GPAM: variants seen among roughly 807,000 people sequenced by gnomAD.
GPAM encodes the protein glycerol-3-phosphate acyltransferase 1, mitochondrial.
GPAM carries 56 observed loss-of-function variants against 105.0 expected under a neutral mutation model. The ratio of observed to expected loss-of-function variants is 0.53; its 90% CI spans 0.43 to 0.67. GPAM has a LOEUF of 0.67. Among genes scored for constraint, GPAM ranks in the 30% least tolerant of loss-of-function variants. The probability of loss-of-function intolerance (pLI) is 0.00; values close to 1 mark genes in which losing one functional copy is unlikely to be tolerated. For missense variants in GPAM, 855 were observed against 989.8 expected, an observed-to-expected ratio of 0.86 and a Z score of 1.83; for synonymous variants, 368 against 354.4, an observed-to-expected ratio of 1.04 and a Z score of -0.43.
chr10:112,160,372 C>CA, intron 16 of GPAM: 2 of 973,598 alleles, frequency 2.1e-6, no homozygotes, highest in Non-Finnish European at 2.4e-6. Context: ...GATAGCAAGA[C>CA]ACTCTACCTC....
intron 5 of GPAM, among the ~76,000 whole-genome samples, chr10:112,177,106 A>AAGAG (rs764899424): frequency 1.1e-4 from 16 of 151,480 alleles, no homozygotes; most frequent in Non-Finnish European, 2.4e-4. Flanking sequence ...GCAAATTTAA[A>AAGAG]AGAGAGAGAG....
At chr10:112,189,171 A>G (rs936855020) in intron 1 of GPAM, among the ~76,000 whole-genome samples, 27 of 152,228 alleles carry the variant, frequency 1.8e-4, no homozygotes, top group East Asian at 9.6e-4. Flanking sequence ...TGTTCTATCA[A>G]GAACTTTTAA....
chr10:112,172,832 G>T (rs143942030), intron 8 of GPAM, 138 bp downstream of exon 8: 30 of 695,318 alleles, frequency 4.3e-5, no homozygotes, highest in Middle Eastern at 4.8e-4. Flanking sequence ...CACAGCTATT[G>T]AAGTTATCAT....
intron 19 of GPAM, 179 bp from the exon 20 acceptor site, chr10:112,156,232 G>A: frequency 3.1e-6 from 2 of 636,238 alleles, no homozygotes; most frequent in South Asian, 3.5e-5. Flanking sequence ...ACAACTGCTG[G>A]CTTTCAAACA....
At chr10:112,159,211 A>ATTTT (rs1847076016) in intron 17 of GPAM, among the ~76,000 whole-genome samples, 2 of 93,764 alleles carry the variant, frequency 2.1e-5, no homozygotes, top group African/African-American at 8.1e-5. Flanking sequence ...TGAGCAGATG[A>ATTTT]TTTTCTTTTT....
chr10:112,173,908 T>C, intron 6 of GPAM, 63 bp from the exon 7 acceptor site: 1 of 1,300,200 alleles, frequency 7.7e-7, no homozygotes, highest in Non-Finnish European at 1.1e-6. Flanking sequence ...GTATTCAGTA[T>C]TTTCTAAACT....
chr10:112,190,148 T>G (rs1847639093), intron 1 of GPAM, among the ~76,000 whole-genome samples: 1 of 152,170 alleles, frequency 6.6e-6, no homozygotes, highest in African/African-American at 2.4e-5. Context: ...TGGATCTCAT[T>G]GCCAGAATGA....
chr10:112,169,825 C>G (rs1307729890), intron 9 of GPAM, among the ~76,000 whole-genome samples: 1 of 152,154 alleles, frequency 6.6e-6, no homozygotes, highest in African/African-American at 2.4e-5. Context: ...ACTTGCATTA[C>G]CCTCTGAGCT....
chr10:112,172,987 C>T lies in GPAM; in HGVS notation c.640G>A (p.Val214Ile). The T allele has an allele frequency of 6.3e-7, 1 of 1,590,252 alleles. No individual in the cohort carries two copies. Among genetic ancestry groups the T allele is most frequent in the East Asian group, 2.2e-5 (1 of 44,760 alleles). ...IQIHKGQLEM[V>I]KAATETNLPL... ...ATTCTTGCCTCAGTTGCAGCTTTAA[C>T]CATCTCAAGTTGACCTTTGTGAATT... is the stretch of plus-strand genomic sequence containing the variant. The change falls in exon 8 of 22, where the codon GTT becomes ATT. Residue 214 changes from valine (V) to isoleucine (I), a missense_variant. Physicochemically the swap from Val to Ile is conservative, Grantham distance 29. Coordinates refer to ENST00000348367, the MANE Select transcript of GPAM (RefSeq NM_001244949.2).
the GPAM span, among the ~76,000 whole-genome samples, chr10:112,222,042 T>C: frequency 3.9e-5 from 6 of 152,216 alleles, no homozygotes; most frequent in Non-Finnish European, 5.9e-5. Context: ...TGGGGATTTG[T>C]TCCAAACTAA....
At chr10:112,186,819 G>A (rs558630746), upstream of GPAM, among the ~76,000 whole-genome samples, 35 of 152,262 alleles carry the variant, frequency 2.3e-4, no homozygotes, top group Non-Finnish European at 4.9e-4. Context: ...CCAAAGTGCT[G>A]GGATTATAAG....
intron 1 of GPAM, among the ~76,000 whole-genome samples, chr10:112,197,080 A>C (rs911977547): frequency 2.6e-5 from 4 of 152,252 alleles, no homozygotes; most frequent in East Asian, 3.8e-4. Context: ...TAGCTTATTT[A>C]TAAGTGATGT....
At chr10:112,188,462 G>C (rs991543607), upstream of GPAM, among the ~76,000 whole-genome samples, 2 of 152,142 alleles carry the variant, frequency 1.3e-5, no homozygotes, top group Non-Finnish European at 2.9e-5. Flanking sequence ...CATAAGGTGA[G>C]TCTGATTAGA....
At chr10:112,158,157 C>T (rs1055025453) in intron 18 of GPAM, among the ~76,000 whole-genome samples, 159 bp downstream of exon 18, 1 of 152,196 alleles carries the variant, frequency 6.6e-6, no homozygotes, top group Non-Finnish European at 1.5e-5. Flanking sequence ...TCTCGTACTC[C>T]TGACCTCAGG....
chr10:112,206,958 A>G (rs1847858831), intron 1 of GPAM, among the ~76,000 whole-genome samples: 1 of 152,192 alleles, frequency 6.6e-6, no homozygotes, highest in Non-Finnish European at 1.5e-5. Context: ...CCCTTTCTCA[A>G]CAGAATATCT....
chr10:112,163,549 C>T (rs368497985), intron 14 of GPAM, 152 bp downstream of exon 14: 11 of 655,108 alleles, frequency 1.7e-5, no homozygotes, highest in Admixed American at 8.8e-5. Flanking sequence ...CAAATCCTCA[C>T]GGTATCACCT....
intron 18 of GPAM, 42 bp from the exon 19 acceptor site, chr10:112,157,431 G>A (rs750065891): frequency 1.9e-6 from 3 of 1,597,708 alleles, no homozygotes; most frequent in South Asian, 2.2e-5. Context: ...ATATGCACTG[G>A]CACACAAACA....
intron 9 of GPAM, among the ~76,000 whole-genome samples, 196 bp downstream of exon 9, chr10:112,171,986 T>C (rs758874459): frequency 1.6e-4 from 24 of 152,204 alleles, no homozygotes; most frequent in Admixed American, 2.6e-4. Flanking sequence ...ATATAAAATA[T>C]ATAAATAATG....
At chr10:112,157,894 T>C (rs539146061) in intron 18 of GPAM, among the ~76,000 whole-genome samples, 1 of 152,352 alleles carries the variant, frequency 6.6e-6, no homozygotes, top group South Asian at 2.1e-4. Flanking sequence ...TCTTATTTTT[T>C]GCTTCTCTAC....
Sources: allele counts gnomAD v4.1 joint callset (sites outside exome capture counted in the v4.1 genomes callset), GRCh38; gene constraint gnomAD v4.1.1; transcripts MANE v1.5; gene names NCBI Gene and HGNC (gene_info 2026-07-23, HGNC 2026-07-21).